TIPARP: variants seen among roughly 807,000 people sequenced by gnomAD.
The protein encoded by TIPARP is protein mono-ADP-ribosyltransferase TIPARP.
In TIPARP, 12 loss-of-function variants were observed where a neutral mutation model predicts 56.5. The ratio of observed to expected loss-of-function variants is 0.21; its 90% CI spans 0.14 to 0.34. The LOEUF (loss-of-function observed/expected upper bound fraction) is 0.34. Among genes scored for constraint, TIPARP ranks in the 10% least tolerant of loss-of-function variants. The pLI is 1.00. For missense variants in TIPARP, 604 were observed against 781.6 expected, an observed-to-expected ratio of 0.77 and a Z score of 2.71; for synonymous variants, 296 against 265.7, an observed-to-expected ratio of 1.11 and a Z score of -1.11.
intron 3 of TIPARP, 36 bp from the exon 4 acceptor site, chr3:156,695,826 CTTT>C (rs10631452): frequency 5.4e-4 from 553 of 1,028,378 alleles, no homozygotes; most frequent in East Asian, 1.2e-3. Flanking sequence ...ATTAACTTTC[CTTT>C]TTTTTTTTTT....
At chr3:156,696,940 C>T (rs959416807) in intron 4 of TIPARP, among the ~76,000 whole-genome samples, 3 of 152,030 alleles carry the variant, frequency 2.0e-5, no homozygotes, top group Non-Finnish European at 4.4e-5. Flanking sequence ...ACTGTTTTCC[C>T]TAAGTTGTTA....
At chr3:156,698,261 G>A (rs915587421) in intron 4 of TIPARP, among the ~76,000 whole-genome samples, 1 of 152,230 alleles carries the variant, frequency 6.6e-6, no homozygotes, top group Non-Finnish European at 1.5e-5. Flanking sequence ...TGTTGATGTA[G>A]AAGCTGTAGC....
At chr3:156,692,868 A>T (rs1304620342) in intron 2 of TIPARP, among the ~76,000 whole-genome samples, 3 of 152,016 alleles carry the variant, frequency 2.0e-5, no homozygotes, top group Non-Finnish European at 4.4e-5. Context: ...TTTTTTTTAG[A>T]CAGTTTCACT....
At chr3:156,691,193 G>A (rs1275455475) in intron 2 of TIPARP, among the ~76,000 whole-genome samples, 1 of 152,078 alleles carries the variant, frequency 6.6e-6, no homozygotes, top group African/African-American at 2.4e-5. Context: ...TGTTCTTACA[G>A]CTCTTTACTT....
At chr3:156,701,816 T>G (rs191782711) in intron 4 of TIPARP, among the ~76,000 whole-genome samples, 11 of 152,318 alleles carry the variant, frequency 7.2e-5, no homozygotes, top group Non-Finnish European at 1.2e-4. Flanking sequence ...AATCTCCCCC[T>G]GTACTTAAAA....
At chr3:156,682,702 T>C (rs1722337681) in intron 2 of TIPARP, among the ~76,000 whole-genome samples, 1 of 152,228 alleles carries the variant, frequency 6.6e-6, no homozygotes, top group Non-Finnish European at 1.5e-5. Flanking sequence ...CATTATGTGT[T>C]ATTGATAACA....
intron 4 of TIPARP, among the ~76,000 whole-genome samples, chr3:156,700,765 C>T (rs968719334): frequency 6.6e-6 from 1 of 152,138 alleles, no homozygotes; most frequent in Non-Finnish European, 1.5e-5. Flanking sequence ...TGTATTTCAT[C>T]GCTGAAACTG....
At chr3:156,687,219 A>T (rs1031985077) in intron 2 of TIPARP, among the ~76,000 whole-genome samples, 2 of 152,154 alleles carry the variant, frequency 1.3e-5, no homozygotes, top group Non-Finnish European at 2.9e-5. Flanking sequence ...GCCTTCTGTG[A>T]TCTTAGGACA....
chr3:156,694,487 G>A (rs189215389), intron 3 of TIPARP, among the ~76,000 whole-genome samples: 1 of 152,272 alleles, frequency 6.6e-6, no homozygotes, highest in Admixed American at 6.5e-5. Flanking sequence ...GCCGCCTGTG[G>A]AGTAATTTTC....
At position 156,695,974 on chromosome 3, in the gene TIPARP, T is replaced by C. The variant is rs768134379; in HGVS notation, c.1196T>C (p.Ile399Thr). The C allele has an allele frequency of 1.2e-6, 2 of 1,612,554 alleles. No homozygotes were observed. Among genetic ancestry groups the C allele is most frequent in the Non-Finnish European group, 1.7e-6 (2 of 1,179,496 alleles). ...CACAATTCATTCTTCAGGAGAGAGA[T>C]AAAAAGGAGACCCCTCTTCCGCTCC... Reference protein sequence around the residue: ...ILHNSFFRREIKRRPLFRSCF... With the variant: ...ILHNSFFRRETKRRPLFRSCF... Residue 399 changes from isoleucine (I) to threonine (T), a missense_variant, in exon 4 of 6, where the codon ATA becomes ACA. Transcript: ENST00000295924.
intron 1 of TIPARP, among the ~76,000 whole-genome samples, chr3:156,676,194 C>G (rs1353700129): frequency 2.0e-5 from 3 of 152,200 alleles, no homozygotes; most frequent in Non-Finnish European, 4.4e-5. Context: ...CCTGGCTTGG[C>G]TCCTTTCCAG....
intron 2 of TIPARP, among the ~76,000 whole-genome samples, chr3:156,684,350 G>T (rs141227603): frequency 1.3e-5 from 2 of 152,126 alleles, no homozygotes; most frequent in Non-Finnish European, 2.9e-5. Context: ...TGATTTTACC[G>T]CTACTTTGCA....
At position 156,703,685 on chromosome 3, in the gene TIPARP, T is replaced by G; in HGVS notation, c.1509T>G (p.Leu503=). 4 of 1,611,608 alleles carry G rather than the reference T, an allele frequency of 2.5e-6. No homozygotes were observed. The highest frequency in any genetic ancestry group is 3.4e-6 in the Non-Finnish European group (4 of 1,179,590). ...TATTGAGAGTCCAAAACCAGTTTCTTTGGGAGAAATATAAAAGGTGAGTCA... is the reference window on the plus strand; with the variant it reads ...TATTGAGAGTCCAAAACCAGTTTCTGTGGGAGAAATATAAAAGGTGAGTCA... ...LQILRVQNQF[L]WEKYKRKKEY... The change falls in exon 5 of 6, where the codon CTT becomes CTG. Residue 503 remains leucine (L), a synonymous_variant. Transcript: ENST00000295924.
chr3:156,697,780 C>G (rs138209903), intron 4 of TIPARP, among the ~76,000 whole-genome samples: 292 of 152,130 alleles, frequency 1.9e-3, no homozygotes, highest in African/African-American at 6.7e-3. Context: ...TTTGGGGTGC[C>G]AAGAACAGCA....
At chr3:156,703,829 C>G (rs933771796) in intron 5 of TIPARP, 127 bp downstream of exon 5, 8 of 958,698 alleles carry the variant, frequency 8.3e-6, no homozygotes, top group Non-Finnish European at 8.9e-6. Flanking sequence ...CTAGCTAACA[C>G]GGTGAAACCC....
intron 3 of TIPARP, among the ~76,000 whole-genome samples, chr3:156,695,123 T>G (rs1261853732): frequency 2.0e-5 from 3 of 152,152 alleles, no homozygotes; most frequent in Non-Finnish European, 4.4e-5. Context: ...CTCAGAATAC[T>G]CAGACTGTTC....
At chr3:156,692,568 G>T (rs1722602926) in intron 2 of TIPARP, among the ~76,000 whole-genome samples, 1 of 152,016 alleles carries the variant, frequency 6.6e-6, no homozygotes, top group South Asian at 2.1e-4. Flanking sequence ...GAAGTTTGGG[G>T]TTTATTGGCA....
intron 4 of TIPARP, among the ~76,000 whole-genome samples, chr3:156,698,229 A>G (rs1577041303): frequency 6.6e-6 from 1 of 152,200 alleles, no homozygotes; most frequent in East Asian, 1.9e-4. Flanking sequence ...TCTCTTATAG[A>G]AGTGCAAGGT....
At chr3:156,699,382 A>G (rs1577041728) in intron 4 of TIPARP, among the ~76,000 whole-genome samples, 1 of 152,166 alleles carries the variant, frequency 6.6e-6, no homozygotes, top group Admixed American at 6.5e-5. Context: ...TGCCACTGCC[A>G]CCTCAACCTT....
Sources: allele counts gnomAD v4.1 joint callset (sites outside exome capture counted in the v4.1 genomes callset), GRCh38; gene constraint gnomAD v4.1.1; transcripts MANE v1.5; gene names NCBI Gene and HGNC (gene_info 2026-07-23, HGNC 2026-07-21).